Variants in KCNA7 observed in about 807,000 individuals in gnomAD.
KCNA7 encodes the protein potassium channel, voltage gated shaker related subfamily A, member 7.
A neutral mutation model predicts 21.5 loss-of-function variants in KCNA7; 15 were observed. The observed-to-expected ratio is 0.70, with a 90% CI of 0.47 to 1.07. KCNA7 has a LOEUF of 1.07. Among genes scored for constraint, KCNA7 ranks in the 50% least tolerant of loss-of-function variants. The pLI is 0.00. For missense variants in KCNA7, 640 were observed against 651.6 expected (o/e 0.98, Z 0.19); for synonymous variants, 298 against 291.0 (o/e 1.02, Z -0.24).
Position 49,072,144 on chromosome 19 carries a change from C to G in KCNA7, c.442G>C (p.Val148Leu). 6.2e-7 allele frequency: 1 copy of G among 1,612,366 alleles called. No homozygotes were observed. The highest frequency in any genetic ancestry group is 8.5e-7 in the Non-Finnish European group (1 of 1,179,694). The change falls in exon 1 of 2, where the codon GTC (valine) becomes CTC (leucine). Residue 148 changes from valine to leucine, a missense_variant. Transcript: ENST00000221444. Reference protein sequence around the residue: ...SSQAARVLAVVSVLVILVSIV... With the variant: ...SSQAARVLAVLSVLVILVSIV... ...GAGACGAGGATGACCAGCACGGAGA[C>G]TACGGCGAGCACGCGCGCGGCCTGA...
rs955516221 is a variant in KCNA7, at chr19:49,072,508, C to G, written c.78G>C (p.Thr26=). The G allele has an allele frequency of 6.8e-7, 1 of 1,480,348 alleles. No homozygotes were observed. The highest frequency in any genetic ancestry group is 2.5e-5 in the Admixed American group (1 of 40,106). 91.7% of individuals were successfully genotyped at this position (1,480,348 alleles called of 1,614,324 possible). A position where few individuals can be genotyped will look rare whatever the true frequency, so the allele number is the denominator to read the frequency against. ...VLNVAGLRFE[T]RARTLGRFPD... ...GGAAGCGGCCCAGCGTGCGCGCCCGCGTCTCGAAGCGCAGCCCGGCCACGT... is the reference window on the plus strand; with the variant it reads ...GGAAGCGGCCCAGCGTGCGCGCCCGGGTCTCGAAGCGCAGCCCGGCCACGT... Residue 26 remains threonine, a synonymous_variant, in exon 1 of 2, where the codon ACG becomes ACC. Coordinates refer to ENST00000221444, the MANE Select transcript of KCNA7 (RefSeq NM_031886.3).
chr19:49,070,759 C>T lies in KCNA7; in HGVS notation c.675G>A (p.Leu225=), dbSNP rs748373793. 3 of 1,614,174 alleles carry T rather than the reference C, an allele frequency of 1.9e-6. No homozygotes were observed. In the South Asian group the frequency reaches 3.3e-5, roughly 18 times the overall value. Residue 225 remains leucine (L), a synonymous_variant, in exon 2 of 2, where the codon CTG becomes CTA. Transcript: ENST00000221444. This position sits in a 1 kb window ranked among gnomAD's most constrained non-coding sequence, Gnocchi z 4.3. The stretch of plus-strand genomic sequence containing the variant: ...TGCTTGGACAGACCAGGAGGCGTAC[C>T]AGCAGCTCAAAGGAGAACCAACAAA... ...LCICWFSFEL[L]VRLLVCPSKA... is the part of the protein sequence containing the mutation.
In KCNA7 at chr19:49,070,654, C is replaced by G; in HGVS notation, c.780G>C (p.Glu260Asp). Residue 260 changes from glutamate to aspartate, a missense_variant, in exon 2 of 2, where the codon GAG (glutamate) becomes GAC (aspartate). Physicochemically the swap from Glu to Asp is conservative, Grantham distance 45 (BLOSUM62 2). Coordinates refer to ENST00000221444, the MANE Select transcript of KCNA7 (RefSeq NM_031886.3). The surrounding 1 kb of genome is among the most constrained non-coding windows in gnomAD (Gnocchi z 4.3). ...GGCCCACCCCTCGCTGCCGGGCCAGCTCGGTGCCCAGTGCCACAAAGTAGG... is the reference window on the plus strand; with the variant it reads ...GGCCCACCCCTCGCTGCCGGGCCAGGTCGGTGCCCAGTGCCACAAAGTAGG... Reference protein sequence around the residue: ...ILPYFVALGTELARQRGVGQQ... With the variant: ...ILPYFVALGTDLARQRGVGQQ... 6.2e-7 allele frequency: 1 copy of G among 1,614,188 alleles called. No individual in the cohort carries two copies. Among genetic ancestry groups the G allele is most frequent in the Non-Finnish European group, 8.5e-7 (1 of 1,180,030 alleles).
In KCNA7 at chr19:49,070,125, C is replaced by G; in HGVS notation, c.1309G>C (p.Val437Leu). 3.1e-6 allele frequency: 5 copies of G among 1,613,500 alleles called. No homozygotes were observed. The highest frequency in any genetic ancestry group is 3.4e-6 in the Non-Finnish European group (4 of 1,179,716). ...KANGGLVDGE[V>L]PELPPPLWAP... ...CAGAGTGGAGGTGGTAGCTCAGGTACCTCCCCGTCCACCAGCCCCCCATTG... is the reference window on the plus strand; with the variant it reads ...CAGAGTGGAGGTGGTAGCTCAGGTAGCTCCCCGTCCACCAGCCCCCCATTG... Residue 437 changes from valine to leucine, a missense_variant, in exon 2 of 2, where the codon GTA becomes CTA. Coordinates refer to ENST00000221444, the MANE Select transcript of KCNA7 (RefSeq NM_031886.3). The surrounding 1 kb of genome is among the most constrained non-coding windows in gnomAD (Gnocchi z 4.3).
rs753431096 is a variant in KCNA7 at position 49,070,873 on chromosome 19, G to C, written c.561C>G (p.Pro187=). Reference sequence around the variant, plus strand: ...TTTGGCTGGAGCCATTCAGCGGAGCGGGGAACTGCAGGGAGGAAAGTGTTC... The same window carrying C: ...TTTGGCTGGAGCCATTCAGCGGAGCCGGGAACTGCAGGGAGGAAAGTGTTC... ...LAAAAAAGPF[P]APLNGSSQMP... The change falls in exon 2 of 2, where the codon CCC becomes CCG. Residue 187 remains proline, a synonymous_variant. Coordinates refer to ENST00000221444, the MANE Select transcript of KCNA7 (RefSeq NM_031886.3). This position sits in a 1 kb window ranked among gnomAD's most constrained non-coding sequence, Gnocchi z 4.3. The C allele has an allele frequency of 6.2e-7, 1 of 1,611,280 alleles. No homozygotes were observed. The highest frequency in any genetic ancestry group is 8.5e-7 in the Non-Finnish European group (1 of 1,178,356).
rs1337375952 is a variant in KCNA7 at position 49,072,206 on chromosome 19, C to T, written c.380G>A (p.Arg127His). 5 of 1,610,050 alleles carry T rather than the reference C, an allele frequency of 3.1e-6. No homozygotes were observed. Among genetic ancestry groups the T allele is most frequent in the African/African-American group, 1.3e-5 (1 of 74,772 alleles). Residue 127 changes from arginine (R) to histidine (H), a missense_variant, in exon 1 of 2, where the codon CGC becomes CAC. Coordinates refer to ENST00000221444, the MANE Select transcript of KCNA7 (RefSeq NM_031886.3). ...ERPLPRRAFA[R>H]QLWLLFEFPE... ...AAACTCGAAAAGCAGCCACAGCTGG[C>T]GGGCGAAGGCGCGGCGGGGCAGGGG... is the stretch of plus-strand genomic sequence containing the variant.
At position 49,067,914 on chromosome 19, in the gene KCNA7, T is replaced by TTTTTA; in HGVS notation, c.*2148_*2149insTAAAA. On this transcript the variant is annotated 3_prime_UTR_variant, in exon 2 of 2. Coordinates refer to ENST00000221444, the MANE Select transcript of KCNA7 (RefSeq NM_031886.3). ...GCTTTTTCTTTTCTTTTCTTTTTTT[T>TTTTTA]TTTGAGACAGAGTGTTGCTCTGCTG... 6.5e-6 allele frequency: 1 copy of TTTTTA among 152,976 alleles called. No individual in the cohort carries two copies. Among genetic ancestry groups the TTTTTA allele is most frequent in the Non-Finnish European group, 1.5e-5 (1 of 68,766 alleles). The allele number at this position is 152,976 out of a possible 1,614,324, so 9.5% of individuals were successfully genotyped here. A position where few individuals can be genotyped will look rare whatever the true frequency, so the allele number is the denominator to read the frequency against.
rs2122251523 is a variant in KCNA7, at chr19:49,069,404, A to G, written c.*659T>C. The G allele has an allele frequency of 6.6e-6, 1 of 152,586 alleles. No individual in the cohort carries two copies. Among genetic ancestry groups the G allele is most frequent in the Admixed American group, 6.5e-5 (1 of 15,292 alleles). 9.5% of individuals were successfully genotyped at this position (152,586 alleles called of 1,614,324 possible). On this transcript the variant is annotated 3_prime_UTR_variant, in exon 2 of 2. Transcript: ENST00000221444. ...CCTCTACACAGTTAAGCCCAACAGA[A>G]CCCTACAAGATTCATTTGGTCATAC...
At chr19:49,071,745 C>G (rs1406734438) in intron 1 of KCNA7, among the ~76,000 whole-genome samples, 1 of 152,102 alleles carries the variant, frequency 6.6e-6, no homozygotes, top group Non-Finnish European at 1.5e-5. Flanking sequence ...TTTTCAGGCT[C>G]TCCTTGGCCC....
At chr19:49,071,958 G>A (rs1316236396) in intron 1 of KCNA7, 73 bp downstream of exon 1, 1 of 915,350 alleles carries the variant, frequency 1.1e-6, no homozygotes, top group Non-Finnish European at 1.4e-6. Flanking sequence ...CCTTATGATT[G>A]GCCAGGTCCC....
Position 49,070,015 on chromosome 19 carries a change from C to T in KCNA7, c.*48G>A. 1 of 1,457,340 alleles carries T rather than the reference C, an allele frequency of 6.9e-7. No homozygotes were observed. Among genetic ancestry groups the T allele is most frequent in the Non-Finnish European group, 9.4e-7 (1 of 1,066,544 alleles). 90.3% of individuals were successfully genotyped at this position (1,457,340 alleles called of 1,614,324 possible). ...AGCCTTGCCCTCCACCCTGCCCTCCCTCCCTCCCTCTAGGGAGGTGTGAGG... is the reference window on the plus strand; with the variant it reads ...AGCCTTGCCCTCCACCCTGCCCTCCTTCCCTCCCTCTAGGGAGGTGTGAGG... On this transcript the variant is annotated 3_prime_UTR_variant, in exon 2 of 2. Coordinates refer to ENST00000221444, the MANE Select transcript of KCNA7 (RefSeq NM_031886.3). The surrounding 1 kb of genome is among the most constrained non-coding windows in gnomAD (Gnocchi z 4.3).
At position 49,070,386 on chromosome 19, in the gene KCNA7, A is replaced by G; in HGVS notation, c.1048T>C (p.Trp350Arg). The change falls in exon 2 of 2, where the codon TGG becomes CGG. Residue 350 changes from tryptophan to arginine, a missense_variant. Trp to Arg is a moderately radical substitution (Grantham distance 101, BLOSUM62 -3). Transcript: ENST00000221444. The surrounding 1 kb of genome is among the most constrained non-coding windows in gnomAD (Gnocchi z 4.3). The stretch of plus-strand genomic sequence containing the variant: ...GTAGTCATGGTGACTACCGCCCACC[A>G]GAAGGACTCAGGGATGCTAGTGAAA... ...SHFTSIPESF[W>R]WAVVTMTTVG... 6.2e-7 allele frequency: 1 copy of G among 1,614,130 alleles called. No homozygotes were observed. Among genetic ancestry groups the G allele is most frequent in the Non-Finnish European group, 8.5e-7 (1 of 1,180,042 alleles).
rs773687492 is a variant in KCNA7, at chr19:49,072,083, A to T, written c.503T>A (p.Phe168Tyr). 6.2e-7 allele frequency: 1 copy of T among 1,611,546 alleles called. No homozygotes were observed. The highest frequency in any genetic ancestry group is 1.1e-5 in the South Asian group (1 of 90,998). The change falls in exon 1 of 2, where the codon TTC (phenylalanine) becomes TAC (tyrosine). Residue 168 changes from phenylalanine to tyrosine, a missense_variant. Coordinates refer to ENST00000221444, the MANE Select transcript of KCNA7 (RefSeq NM_031886.3). ...VVFCLETLPD[F>Y]RDDRDGTGLA... ...CCCCGTGCCGTCGCGGTCGTCGCGG[A>T]AGTCAGGCAGCGTCTCGAGGCAGAA...
In KCNA7 at chr19:49,072,245, A is replaced by G; in HGVS notation, c.341T>C (p.Val114Ala). The G allele has an allele frequency of 6.3e-7, 1 of 1,591,154 alleles. No individual in the cohort carries two copies. The highest frequency in any genetic ancestry group is 1.1e-5 in the South Asian group (1 of 88,866). The change falls in exon 1 of 2, where the codon GTG becomes GCG. Residue 114 changes from valine to alanine, a missense_variant. Transcript: ENST00000221444. Reference sequence around the variant, plus strand: ...GCGGGGCAGGGGGCGCTCGGGCGGCACCGGGCAGCCCTCGTCCTCGCGCAG... The same window carrying G: ...GCGGGGCAGGGGGCGCTCGGGCGGCGCCGGGCAGCCCTCGTCCTCGCGCAG... ...ARLREDEGCP[V>A]PPERPLPRRA...
chr19:49,071,873 C>T (rs957923650), intron 1 of KCNA7, among the ~76,000 whole-genome samples, 158 bp downstream of exon 1: 1 of 152,224 alleles, frequency 6.6e-6, no homozygotes, highest in African/African-American at 2.4e-5. Context: ...GCAGGTCCTC[C>T]GACCCGGATC....
In KCNA7 at chr19:49,070,671, C is replaced by T. The variant is rs74619341; in HGVS notation, c.763G>A (p.Val255Met). ...CGGGCCAGCTCGGTGCCCAGTGCCA[C>T]AAAGTAGGGAAGGATAGCCACAAAA... Reference protein sequence around the residue: ...IDFVAILPYFVALGTELARQR... With the variant: ...IDFVAILPYFMALGTELARQR... The change falls in exon 2 of 2, where the codon GTG (valine) becomes ATG (methionine). Residue 255 changes from valine (V) to methionine (M), a missense_variant. By Grantham distance (21) the Val-to-Met change is conservative. Coordinates refer to ENST00000221444, the MANE Select transcript of KCNA7 (RefSeq NM_031886.3). The surrounding 1 kb of genome is among the most constrained non-coding windows in gnomAD (Gnocchi z 4.3). 14 of 1,614,042 alleles carry T rather than the reference C, an allele frequency of 8.7e-6. No individual in the cohort carries two copies. The highest frequency in any genetic ancestry group is 1.1e-5 in the Non-Finnish European group (13 of 1,180,042).
rs780086898 is a variant in KCNA7 at position 49,070,893 on chromosome 19, G to C, written c.556-15C>G. On this transcript the variant is annotated splice_polypyrimidine_tract_variant and intron_variant, in intron 1 of 1. Coordinates refer to ENST00000221444, the MANE Select transcript of KCNA7 (RefSeq NM_031886.3). The surrounding 1 kb of genome is among the most constrained non-coding windows in gnomAD (Gnocchi z 4.3). The stretch of plus-strand genomic sequence containing the variant: ...GGAGCGGGGAACTGCAGGGAGGAAA[G>C]TGTTCAGGGAGGGTCAGGCTGGGGC... 1 of 1,603,542 alleles carries C rather than the reference G, an allele frequency of 6.2e-7. No individual in the cohort carries two copies. The highest frequency in any genetic ancestry group is 8.5e-7 in the Non-Finnish European group (1 of 1,173,986).
rs1337909435 is a variant in KCNA7 at position 49,070,660 on chromosome 19, G to T, written c.774C>A (p.Gly258=). ...VAILPYFVAL[G]TELARQRGVG... is the part of the protein sequence containing the mutation. ...CCCCTCGCTGCCGGGCCAGCTCGGT[G>T]CCCAGTGCCACAAAGTAGGGAAGGA... The change falls in exon 2 of 2, where the codon GGC becomes GGA. Residue 258 remains glycine, a synonymous_variant. Coordinates refer to ENST00000221444, the MANE Select transcript of KCNA7 (RefSeq NM_031886.3). This position sits in a 1 kb window ranked among gnomAD's most constrained non-coding sequence, Gnocchi z 4.3. 7 of 1,614,074 alleles carry T rather than the reference G, an allele frequency of 4.3e-6. No individual in the cohort carries two copies. The African/African-American group carries it at 9.3e-5, about 22-fold the overall frequency.
chr19:49,070,641 G>A lies in KCNA7; in HGVS notation c.793C>T (p.Arg265Ter), dbSNP rs759030159. 23 of 1,614,024 alleles carry A rather than the reference G, an allele frequency of 1.4e-5. No individual in the cohort carries two copies. Among genetic ancestry groups the A allele is most frequent in the East Asian group, 2.2e-5 (1 of 44,894 alleles). Residue 265 changes from arginine (R) to a stop codon, truncating the protein, a stop_gained, in exon 2 of 2, where the codon CGA becomes TGA. Transcript: ENST00000221444. LOFTEE classifies it high-confidence loss of function. The surrounding 1 kb of genome is among the most constrained non-coding windows in gnomAD (Gnocchi z 4.3). ...VALGTELARQRGVGQQAMSLA... is the reference protein window; with the variant it reads ...VALGTELARQ Reference sequence around the variant, plus strand: ...GACATGGCCTGCTGGCCCACCCCTCGCTGCCGGGCCAGCTCGGTGCCCAGT... The same window carrying A: ...GACATGGCCTGCTGGCCCACCCCTCACTGCCGGGCCAGCTCGGTGCCCAGT...
Sources: allele counts gnomAD v4.1 joint callset (sites outside exome capture counted in the v4.1 genomes callset), GRCh38; gene constraint gnomAD v4.1.1; non-coding constraint Gnocchi (gnomAD v3.1); transcripts MANE v1.5; gene names NCBI Gene and HGNC (gene_info 2026-07-23, HGNC 2026-07-21).